Variants in PIGN observed in about 807,000 individuals in gnomAD.
The protein encoded by PIGN is GPI ethanolamine phosphate transferase 1.
A neutral mutation model predicts 125.4 loss-of-function variants in PIGN; 117 were observed. The ratio of observed to expected loss-of-function variants is 0.93; its 90% confidence interval spans 0.80 to 1.09. PIGN has a LOEUF of 1.09. Among genes scored for constraint, PIGN ranks in the 50% least tolerant of loss-of-function variants. The probability of loss-of-function intolerance (pLI) is 0.00; values close to 1 mark genes in which losing one functional copy is unlikely to be tolerated. For missense variants in PIGN, 1,075 were observed against 1,094.9 expected, an observed-to-expected ratio of 0.98 and a Z score of 0.26; for synonymous variants, 392 against 377.8, an observed-to-expected ratio of 1.04 and a Z score of -0.44.
At position 62,147,055 on chromosome 18, in the gene PIGN, T is replaced by C. The variant is rs757059932; in HGVS notation, c.721A>G (p.Ile241Val). Reference protein sequence around the residue: ...IKKVDDGVKEIVSMFNHFYGN... With the variant: ...IKKVDDGVKEVVSMFNHFYGN... The stretch of plus-strand genomic sequence containing the variant: ...TAGAAGTGGTTAAACATAGACACGA[T>C]TTCTTTAACTCCATCATCAACTTTT... Residue 241 changes from isoleucine (I) to valine (V), a missense_variant, in exon 9 of 31, where the codon ATC becomes GTC. Around this residue, in one of 3 missense-constraint regions of PIGN, gnomAD observed 915 missense variants for 908.7 expected, o/e 1.01. Coordinates refer to ENST00000640252, the MANE Select transcript of PIGN (RefSeq NM_176787.5). 1.2e-6 allele frequency: 2 copies of C among 1,608,662 alleles called. No individual in the cohort carries two copies. Among genetic ancestry groups the C allele is most frequent in the Non-Finnish European group, 1.7e-6 (2 of 1,175,868 alleles).
At chr18:62,060,169 A>G (rs1366289212) in intron 30 of PIGN, among the ~76,000 whole-genome samples, 4 of 152,164 alleles carry the variant, frequency 2.6e-5, no homozygotes, top group African/African-American at 9.7e-5. Flanking sequence ...TGCATCAATC[A>G]AGTCTTGGTG....
At chr18:62,163,946 G>C (rs2037043437) in intron 1 of PIGN, among the ~76,000 whole-genome samples, 1 of 151,960 alleles carries the variant, frequency 6.6e-6, no homozygotes, top group African/African-American at 2.4e-5. Context: ...ATTCTTTTTT[G>C]ATTAGCTTAT....
chr18:62,058,988 G>C (rs1265486309), intron 30 of PIGN: 1 of 151,904 alleles, frequency 6.6e-6, no homozygotes, highest in Non-Finnish European at 1.5e-5. Flanking sequence ...AGGAATTTGA[G>C]ACCAGCCTGG....
At chr18:62,147,999 A>G (rs2036397057) in intron 8 of PIGN, among the ~76,000 whole-genome samples, 1 of 152,076 alleles carries the variant, frequency 6.6e-6, no homozygotes, top group African/African-American at 2.4e-5. Context: ...TGTACAGGAT[A>G]TATTTTACTT....
At chr18:62,035,328 T>C (rs936881244) in intron 23 of PIGN, among the ~76,000 whole-genome samples, 1 of 152,208 alleles carries the variant, frequency 6.6e-6, no homozygotes, top group Non-Finnish European at 1.5e-5. Flanking sequence ...ATTAATCTAC[T>C]GATTTTTGTA....
intron 30 of PIGN, chr18:62,056,928 AC>A (rs2031773137): frequency 6.6e-6 from 1 of 152,230 alleles, no homozygotes; most frequent in South Asian, 2.1e-4. Context: ...TAGGTTGTGC[AC>A]CCATTATGAA....
intron 28 of PIGN, among the ~76,000 whole-genome samples, chr18:62,076,955 A>C (rs2033202895): frequency 6.6e-6 from 1 of 152,230 alleles, no homozygotes; most frequent in African/African-American, 2.4e-5. Flanking sequence ...TGGTTGCAGC[A>C]ACAGAATCCA....
At chr18:62,060,635 G>A (rs899103972) in intron 30 of PIGN, among the ~76,000 whole-genome samples, 1 of 152,006 alleles carries the variant, frequency 6.6e-6, no homozygotes, top group Non-Finnish European at 1.5e-5. Flanking sequence ...TGATAAACAC[G>A]TTAGTTGTCA....
At chr18:62,186,432 T>C (rs1245962793) in intron 1 of PIGN, 1 of 152,242 alleles carries the variant, frequency 6.6e-6, no homozygotes, top group Non-Finnish European at 1.5e-5. Context: ...TTCTGAAGGG[T>C]CCCTGTTGTG....
intron 23 of PIGN, among the ~76,000 whole-genome samples, chr18:62,032,060 G>T (rs1028209727): frequency 3.3e-5 from 5 of 152,086 alleles, no homozygotes; most frequent in African/African-American, 1.2e-4. Context: ...TCCTTCTTGT[G>T]ACTTCTCTTC....
intron 23 of PIGN, among the ~76,000 whole-genome samples, chr18:62,021,379 A>T (rs1335762148): frequency 6.6e-6 from 1 of 152,234 alleles, no homozygotes; most frequent in Non-Finnish European, 1.5e-5. Context: ...TTTTATAGAT[A>T]CAGCCAGAAG....
intron 20 of PIGN, chr18:62,105,147 T>C (rs1376771989): frequency 6.5e-6 from 1 of 152,972 alleles, no homozygotes; most frequent in Non-Finnish European, 1.5e-5. Context: ...CATTTTAGTG[T>C]GGACATGATT....
At chr18:62,121,002 T>C (rs2060100) in intron 14 of PIGN, among the ~76,000 whole-genome samples, 25,716 of 152,142 alleles carry the variant, frequency 0.17, 2,930 homozygotes, top group Middle Eastern at 0.29. Context: ...AGTGAAAGGA[T>C]ATGAGAAAAG....
chr18:62,098,105 A>G lies in PIGN; in HGVS notation c.2078-2155T>C, dbSNP rs535367047. On this transcript the variant is annotated intron_variant, in intron 22 of 30. Coordinates refer to ENST00000640252, the MANE Select transcript of PIGN (RefSeq NM_176787.5). ...TAAAAAGTTGTGAGGATTAAATACA[A>G]TTTCACCTATACAATGTTCCCTGAG... Among the ~76,000 whole-genome samples, 19 of 152,338 alleles carry G rather than the reference A, an allele frequency of 1.2e-4. 1 individual carries two copies. The highest frequency in any genetic ancestry group is 4.1e-4 in the South Asian group (2 of 4,834).
At chr18:62,121,183 A>G (rs191170569) in intron 14 of PIGN, among the ~76,000 whole-genome samples, 148 of 152,304 alleles carry the variant, frequency 9.7e-4, no homozygotes, top group Non-Finnish European at 1.4e-3. Flanking sequence ...GTAAGGCACA[A>G]TAGAAAGCCA....
At chr18:62,157,887 A>G in intron 4 of PIGN, 79 bp from the exon 5 acceptor site, 1 of 1,317,172 alleles carries the variant, frequency 7.6e-7, no homozygotes, top group Non-Finnish European at 1.0e-6. Context: ...ACATAAGATT[A>G]TTACAGAAGG....
At chr18:62,174,093 A>T (rs754474441) in intron 1 of PIGN, among the ~76,000 whole-genome samples, 13 of 152,090 alleles carry the variant, frequency 8.5e-5, no homozygotes, top group Non-Finnish European at 1.8e-4. Flanking sequence ...GGGCACCTGT[A>T]ATCCCAGCTA....
intron 23 of PIGN, among the ~76,000 whole-genome samples, chr18:62,021,419 A>G (rs1043973343): frequency 1.5e-4 from 23 of 152,248 alleles, no homozygotes; most frequent in Non-Finnish European, 3.2e-4. Flanking sequence ...GAGACAAAAG[A>G]CAGTTTATTA....
intron 10 of PIGN, among the ~76,000 whole-genome samples, chr18:62,145,171 C>G (rs565748625): frequency 6.6e-6 from 1 of 152,174 alleles, no homozygotes; most frequent in Middle Eastern, 3.4e-3. Flanking sequence ...GGGGCTATCT[C>G]AAAGATATGT....
Sources: gnomAD v4.1 joint callset for allele counts (sites outside exome capture counted in the v4.1 genomes callset) on GRCh38, gnomAD v4.1.1 for gene constraint, gnomAD v4.1.1 regional missense constraint, MANE v1.5 for transcripts, NCBI Gene and HGNC (gene_info 2026-07-23, HGNC 2026-07-21) for gene names.